The following ASPG variants were observed in gnomAD, a reference collection of about 807,000 sequenced individuals.
The protein encoded by ASPG is asparaginase, also known as 60 kDa lysophospholipase.
Under a neutral mutation model 63.2 loss-of-function variants are expected in ASPG, and 53 were observed. That is an observed-to-expected ratio of 0.84 (90% confidence interval 0.67 to 1.05). The LOEUF (loss-of-function observed/expected upper bound fraction) is 1.05, where lower values mean the gene tolerates loss of function less well. Among genes scored for constraint, ASPG ranks in the 50% least tolerant of loss-of-function variants. ASPG has a pLI of 0.00. For missense variants in ASPG, 741 were observed against 794.4 expected (o/e 0.93, Z 0.81); for synonymous variants, 370 against 355.0 (o/e 1.04, Z -0.48).
At chr14:104,093,424 A>C in intron 2 of ASPG, 67 bp from the exon 3 acceptor site, 1 of 1,396,812 alleles carries the variant, frequency 7.2e-7, no homozygotes, top group Non-Finnish European at 1.0e-6. Context: ...GGGTCAGGGC[A>C]TTTAGAGCAG....
chr14:104,093,247 G>A (rs973342133), intron 2 of ASPG: 2 of 584,318 alleles, frequency 3.4e-6, no homozygotes, highest in Non-Finnish European at 3.1e-6. Flanking sequence ...CTTCGAGCTG[G>A]TGTGGGAAGA....
chr14:104,109,601 T>C lies in ASPG; in HGVS notation c.1520+286T>C, dbSNP rs202045164. On this transcript the variant is annotated intron_variant, in intron 13 of 15. Transcript: ENST00000551177. This position sits in a 1 kb window ranked among gnomAD's most constrained non-coding sequence, Gnocchi z 4.8. ...GTGTATGCATGTGTGTGGGTGCATG[T>C]GTGTGTGTGTGGTGGGCTTGAGGAG... is the stretch of plus-strand genomic sequence containing the variant. 0.013 allele frequency among the ~76,000 whole-genome samples: 1,940 copies of C among 147,708 alleles called. 44 individuals carry two copies. Among genetic ancestry groups the C allele is most frequent in the African/African-American group, 0.046 (1,836 of 39,954 alleles).
At chr14:104,103,796 A>T in intron 7 of ASPG, 121 bp downstream of exon 7, 1 of 784,834 alleles carries the variant, frequency 1.3e-6, no homozygotes, top group Non-Finnish European at 2.0e-6. Context: ...TGGACCTGAG[A>T]TGTCTGCAGT....
Position 104,109,280 on chromosome 14 carries a change from C to A in ASPG, c.1485C>A (p.Thr495=), listed in dbSNP as rs1328489725. ...LLREAGASLS[T]QELEEAGTEL... is the part of the protein sequence containing the mutation. ...GGGAAGCCGGGGCCTCCCTGTCCAC[C>A]CAGGAGCTGGAGGAAGCAGGGACGG... The change falls in exon 13 of 16, where the codon ACC becomes ACA. Residue 495 remains threonine (T), a synonymous_variant. Transcript: ENST00000551177. This position sits in a 1 kb window ranked among gnomAD's most constrained non-coding sequence, Gnocchi z 4.8. 4 of 1,612,728 alleles carry A rather than the reference C, an allele frequency of 2.5e-6. No individual in the cohort carries two copies. The African/African-American group carries it at 4.0e-5, about 16-fold the overall frequency.
intron 1 of ASPG, among the ~76,000 whole-genome samples, chr14:104,088,235 C>T (rs1046862191): frequency 6.6e-6 from 1 of 152,150 alleles, no homozygotes; most frequent in Non-Finnish European, 1.5e-5. Context: ...GTTTGATTGT[C>T]GCTGTTGGAA....
chr14:104,098,303 C>A (rs562366720), intron 5 of ASPG, among the ~76,000 whole-genome samples: 108 of 152,274 alleles, frequency 7.1e-4, no homozygotes, highest in South Asian at 1.9e-3. Flanking sequence ...GTGTCACTTT[C>A]CCTCCCCCAT....
At chr14:104,108,440 C>T (rs1452989890) in intron 12 of ASPG, 1 of 985,426 alleles carries the variant, frequency 1.0e-6, no homozygotes, top group Non-Finnish European at 1.2e-6. Context: ...CCCAGCCTCG[C>T]TCCGCTGCCA....
rs892155808 is a variant in ASPG, at chr14:104,110,572, G to A, written c.1521-930G>A. ...CGGCTAGGCCTTCCTAGGGGCCGGT[G>A]TGTGTGTGGGGCTTGGCCTCTTGGA... On this transcript the variant is annotated intron_variant, in intron 13 of 15. Transcript: ENST00000551177. The surrounding 1 kb of genome is among the most constrained non-coding windows in gnomAD (Gnocchi z 4.7). 2.0e-6 allele frequency: 2 copies of A among 985,276 alleles called. No individual in the cohort carries two copies. Among genetic ancestry groups the A allele is most frequent in the African/African-American group, 3.5e-5 (2 of 57,324 alleles). 61.0% of individuals were successfully genotyped at this position (985,276 alleles called of 1,614,324 possible).
Position 104,104,445 on chromosome 14 carries a change from T to G in ASPG, c.895T>G (p.Cys299Gly). ...RGLVIVNCTH[C>G]LQGAVTTDYA... ...CCTGGTCATCGTCAACTGTACCCAC[T>G]GCCTCCAGGGGGCTGTGACCACAGA... The change falls in exon 8 of 16, where the codon TGC becomes GGC. Residue 299 changes from cysteine to glycine, a missense_variant. Physicochemically the swap from Cys to Gly is radical, Grantham distance 159 (BLOSUM62 -3). Transcript: ENST00000551177. 6.2e-7 allele frequency: 1 copy of G among 1,612,562 alleles called. No individual in the cohort carries two copies. Among genetic ancestry groups the G allele is most frequent in the Non-Finnish European group, 8.5e-7 (1 of 1,179,796 alleles).
At chr14:104,088,675 T>C (rs2036285937) in intron 1 of ASPG, among the ~76,000 whole-genome samples, 1 of 152,188 alleles carries the variant, frequency 6.6e-6, no homozygotes, top group South Asian at 2.1e-4. Context: ...CCATGGCTTC[T>C]TGGTTACTGC....
chr14:104,085,792 G>T lies in ASPG; in HGVS notation c.22G>T (p.Glu8Ter). MARAVGP[E>*]RRLLAVYTGG... The stretch of plus-strand genomic sequence containing the variant: ...CGGCATGGCGCGCGCGGTGGGGCCC[G>T]AGCGGAGGCTGCTGGCCGTCTACAC... The change falls in exon 1 of 16, where the codon GAG becomes TAG. Residue 8 changes from glutamate to a stop codon, truncating the protein, a stop_gained. Coordinates refer to ENST00000551177, the MANE Select transcript of ASPG (RefSeq NM_001080464.3). LOFTEE classifies it high-confidence loss of function. 1 of 1,588,582 alleles carries T rather than the reference G, an allele frequency of 6.3e-7. No homozygotes were observed. The highest frequency in any genetic ancestry group is 1.1e-5 in the South Asian group (1 of 89,194).
intron 12 of ASPG, chr14:104,108,730 C>A (rs1235761748): frequency 1.0e-6 from 1 of 985,308 alleles, no homozygotes; most frequent in African/African-American, 1.7e-5. Flanking sequence ...CCTGCCCCCA[C>A]TCCTACCCAA....
At position 104,095,561 on chromosome 14, in the gene ASPG, G is replaced by C. The variant is rs369069541; in HGVS notation, c.334G>C (p.Val112Leu). The C allele has an allele frequency of 7.4e-6, 12 of 1,613,110 alleles. No individual in the cohort carries two copies. In the African/African-American group the frequency reaches 1.6e-4, roughly 21 times the overall value. ...CTACGAGCAGTACCACGGCTTTGTG[G>C]TCATCCACGGCACCGACACCATGGC... The part of the protein sequence containing the change: ...RHYEQYHGFV[V>L]IHGTDTMAFA... Residue 112 changes from valine (V) to leucine (L), a missense_variant, in exon 4 of 16, where the codon GTC becomes CTC. Val to Leu is a conservative substitution (Grantham distance 32). Coordinates refer to ENST00000551177, the MANE Select transcript of ASPG (RefSeq NM_001080464.3).
intron 14 of ASPG, 44 bp from the exon 15 acceptor site, chr14:104,111,876 A>G (rs1436571480): frequency 1.3e-6 from 2 of 1,525,680 alleles, no homozygotes; most frequent in Non-Finnish European, 1.8e-6. Flanking sequence ...CCAGGCTGCT[A>G]GTCAGTGGCC....
intron 7 of ASPG, among the ~76,000 whole-genome samples, chr14:104,103,942 C>T (rs926765212): frequency 4.6e-5 from 7 of 152,252 alleles, no homozygotes; most frequent in South Asian, 2.1e-4. Flanking sequence ...GCAGCGTCCT[C>T]CCGCAGATTC....
chr14:104,093,212 GGGGATGGCTGGT>G, intron 2 of ASPG: 1 of 554,540 alleles, frequency 1.8e-6, no homozygotes, highest in East Asian at 3.1e-5. Flanking sequence ...TCTCCTGCCT[GGGGATGGCTGGT>G]CCCAGCCCCC....
Position 104,091,554 on chromosome 14 carries a change from G to T in ASPG, c.83-1079G>T, listed in dbSNP as rs1477979173. Among the ~76,000 whole-genome samples, 1 of 152,108 alleles carries T rather than the reference G, an allele frequency of 6.6e-6. No individual in the cohort carries two copies. The highest frequency in any genetic ancestry group is 1.5e-5 in the Non-Finnish European group (1 of 68,022). ...GATCACGGGTGCCATAAACCTTCAC[G>T]GGGCCAAGGGCTGGTGTCCCGGGGC... On this transcript the variant is annotated intron_variant, in intron 1 of 15. Transcript: ENST00000551177. The surrounding 1 kb of genome is among the most constrained non-coding windows in gnomAD (Gnocchi z 6.4).
rs777492201 is a variant in ASPG, at chr14:104,105,426, G to C, written c.1149G>C (p.Trp383Cys). 1 of 1,607,704 alleles carries C rather than the reference G, an allele frequency of 6.2e-7. No homozygotes were observed. Among genetic ancestry groups the C allele is most frequent in the East Asian group, 2.2e-5 (1 of 44,728 alleles). Residue 383 changes from tryptophan (W) to cysteine (C), a missense_variant, in exon 10 of 16, where the codon TGG becomes TGC. By Grantham distance (215) the Trp-to-Cys change is radical. Coordinates refer to ENST00000551177, the MANE Select transcript of ASPG (RefSeq NM_001080464.3). ...QGNTLGGGVS[W>C]LLSLSGSQEA... ...ACACGCTGGGCGGTGGGGTCTCCTGGCTCCTCAGTCTGAGCGGCAGCCAGG... is the reference window on the plus strand; with the variant it reads ...ACACGCTGGGCGGTGGGGTCTCCTGCCTCCTCAGTCTGAGCGGCAGCCAGG...
At chr14:104,112,445 C>G in intron 15 of ASPG, 79 bp from the exon 16 acceptor site, 1 of 852,576 alleles carries the variant, frequency 1.2e-6, no homozygotes, top group Non-Finnish European at 2.0e-6. Context: ...GCCGTACAGA[C>G]GGGGTGCCTG....
Sources: gnomAD v4.1 joint callset for allele counts (sites outside exome capture counted in the v4.1 genomes callset) on GRCh38, gnomAD v4.1.1 for gene constraint, Gnocchi (gnomAD v3.1) non-coding constraint, MANE v1.5 for transcripts, NCBI Gene and HGNC (gene_info 2026-07-23, HGNC 2026-07-21) for gene names.